The following MEIS2 variants were observed in gnomAD, a reference collection of about 807,000 sequenced individuals.
MEIS2 encodes homeobox protein Meis2.
A neutral mutation model predicts 58.6 loss-of-function variants in MEIS2; 9 were observed. That is an observed-to-expected ratio of 0.15 (90% confidence interval 0.09 to 0.27). The LOEUF is 0.27. Ranked by LOEUF, MEIS2 falls within the 10% of genes least tolerant of loss-of-function variation. MEIS2 has a pLI of 1.00. For synonymous variants in MEIS2, 221 were observed against 228.4 expected (o/e 0.97, Z 0.29); for missense variants, 427 against 635.0 (o/e 0.67, Z 3.52).
At chr15:36,925,127 A>G (rs2057692056) in intron 9 of MEIS2, among the ~76,000 whole-genome samples, 1 of 152,206 alleles carries the variant, frequency 6.6e-6, no homozygotes, top group Admixed American at 6.5e-5. Context: ...CCCTAGCTCA[A>G]AAAAACAAAA....
chr15:37,021,603 TTCTC>T (rs1242912310), intron 8 of MEIS2, among the ~76,000 whole-genome samples: 4 of 152,204 alleles, frequency 2.6e-5, no homozygotes, highest in Non-Finnish European at 5.9e-5. Context: ...GCTTCTCTGT[TTCTC>T]TCTCTTATTC....
intron 7 of MEIS2, among the ~76,000 whole-genome samples, chr15:37,062,252 T>C (rs549824171): frequency 6.6e-6 from 1 of 152,328 alleles, no homozygotes; most frequent in East Asian, 1.9e-4. Flanking sequence ...TGGCATAATT[T>C]CAATGCCCAG....
intron 8 of MEIS2, chr15:36,972,713 C>T (rs1443230227): frequency 6.6e-6 from 1 of 152,072 alleles, no homozygotes. Flanking sequence ...CTTAATTTTA[C>T]TACAGTTTAA....
chr15:36,945,837 T>A (rs2058546384), intron 9 of MEIS2, among the ~76,000 whole-genome samples: 1 of 151,938 alleles, frequency 6.6e-6, no homozygotes. Context: ...TCTTTGAAAT[T>A]TCAGTTTCAT....
At chr15:37,100,673 G>T (rs1895003226), upstream of MEIS2, 2 of 152,324 alleles carry the variant, frequency 1.3e-5, no homozygotes, top group African/African-American at 4.9e-5. Flanking sequence ...GGGGACGGCG[G>T]GGGGGAGGAA....
intron 8 of MEIS2, among the ~76,000 whole-genome samples, chr15:36,971,757 C>T (rs544579697): frequency 1.6e-4 from 24 of 152,028 alleles, no homozygotes; most frequent in Non-Finnish European, 2.9e-4. Context: ...ATTTCCTTAA[C>T]AGCCTAAGCA....
At chr15:37,045,266 A>G (rs1406289029) in intron 7 of MEIS2, among the ~76,000 whole-genome samples, 1 of 152,212 alleles carries the variant, frequency 6.6e-6, no homozygotes, top group Non-Finnish European at 1.5e-5. Context: ...ATAATGTAGT[A>G]ATGGAACTGC....
intron 8 of MEIS2, among the ~76,000 whole-genome samples, chr15:36,975,052 C>A (rs1160490391): frequency 1.3e-5 from 2 of 152,158 alleles, no homozygotes; most frequent in African/African-American, 4.8e-5. Context: ...TCATTTTAAA[C>A]ACCTACCATA....
intron 7 of MEIS2, among the ~76,000 whole-genome samples, chr15:37,059,500 C>T (rs1016196693): frequency 2.0e-5 from 3 of 152,246 alleles, no homozygotes; most frequent in South Asian, 2.1e-4. Context: ...CTAAGCATTA[C>T]GTGCACTTGT....
rs59227539 is a variant in MEIS2, at chr15:36,922,619, CTTTTT to C, written c.978-25938_978-25934del. 5.2e-4 allele frequency among the ~76,000 whole-genome samples: 66 copies of C among 126,888 alleles called. 1 individual carries two copies. Among genetic ancestry groups the C allele is most frequent in the Admixed American group, 4.6e-3 (56 of 12,116 alleles). 83.2% of individuals were successfully genotyped at this position (126,888 alleles called of 152,430 possible). ...GAAACCTCAGTAACTTTCTTTCTTT[CTTTTT>C]TTTTTTTTTTTTGTGATGGAGTTTT... On this transcript the variant is annotated intron_variant, in intron 9 of 11. Coordinates refer to ENST00000561208, the MANE Select transcript of MEIS2 (RefSeq NM_170675.5).
chr15:37,061,764 A>G (rs1290776378), intron 7 of MEIS2, among the ~76,000 whole-genome samples: 1 of 152,184 alleles, frequency 6.6e-6, no homozygotes, highest in Non-Finnish European at 1.5e-5. Flanking sequence ...ATTTACAGTC[A>G]CCAAACGAGT....
intron 9 of MEIS2, among the ~76,000 whole-genome samples, chr15:36,912,573 C>T (rs1397445573): frequency 1.3e-5 from 2 of 151,996 alleles, no homozygotes; most frequent in South Asian, 2.1e-4. Flanking sequence ...CTTTTTTGAA[C>T]ACCAGAAGGG....
intron 7 of MEIS2, among the ~76,000 whole-genome samples, chr15:37,052,987 A>G (rs991004550): frequency 2.6e-5 from 4 of 152,206 alleles, no homozygotes; most frequent in Admixed American, 6.5e-5. Flanking sequence ...ATGAAGAAAG[A>G]CAACTCGAAG....
At position 36,907,986 on chromosome 15, in the gene MEIS2, C is replaced by T. The variant is rs529860873; in HGVS notation, c.978-11300G>A. On this transcript the variant is annotated intron_variant, in intron 9 of 11. Transcript: ENST00000561208. The stretch of plus-strand genomic sequence containing the variant: ...AACTCACTTTAAATAAATTATAGTT[C>T]TAACAGCTACGCATCTAACAATAGC... Among the ~76,000 whole-genome samples, 3 of 151,808 alleles carry T rather than the reference C, an allele frequency of 2.0e-5. No homozygotes were observed. In the South Asian group the frequency reaches 6.2e-4, roughly 32 times the overall value.
intron 8 of MEIS2, among the ~76,000 whole-genome samples, chr15:36,990,802 T>C (rs915325423): frequency 1.2e-4 from 18 of 152,044 alleles, no homozygotes; most frequent in Non-Finnish European, 2.4e-4. Context: ...GAAAGGGGGA[T>C]AGGGCTTTTC....
chr15:37,036,612 A>G (rs2062165205), intron 8 of MEIS2: 1 of 489,046 alleles, frequency 2.0e-6, no homozygotes, highest in Admixed American at 3.8e-5. Flanking sequence ...GCTTCTTAAA[A>G]CAAAAACCTG....
chr15:36,972,941 C>G (rs1334158092), intron 8 of MEIS2: 1 of 152,150 alleles, frequency 6.6e-6, no homozygotes. Flanking sequence ...TATGGGCTGA[C>G]TGAACAACTA....
intron 8 of MEIS2, among the ~76,000 whole-genome samples, chr15:37,001,531 C>T (rs919589326): frequency 6.6e-6 from 1 of 152,178 alleles, no homozygotes. Context: ...GCTTCCCCCT[C>T]TTTCCCTGTT....
At chr15:37,009,944 T>A (rs562757067) in intron 8 of MEIS2, among the ~76,000 whole-genome samples, 2 of 152,266 alleles carry the variant, frequency 1.3e-5, no homozygotes, top group African/African-American at 4.8e-5. Context: ...AAAAGCAGAA[T>A]AAGTGAATAA....
Sources: allele counts gnomAD v4.1 joint callset (sites outside exome capture counted in the v4.1 genomes callset), GRCh38; gene constraint gnomAD v4.1.1; transcripts MANE v1.5; gene names NCBI Gene and HGNC (gene_info 2026-07-23, HGNC 2026-07-21).